Variants in PRKD1 observed in about 807,000 individuals in gnomAD.
PRKD1 encodes the protein serine/threonine-protein kinase D1.
Under a neutral mutation model 95.9 loss-of-function variants are expected in PRKD1, and 63 were observed. The ratio of observed to expected loss-of-function variants is 0.66; its 90% CI spans 0.54 to 0.81. The LOEUF (loss-of-function observed/expected upper bound fraction) is 0.81. Ranked by LOEUF, PRKD1 falls within the 30% of genes least tolerant of loss-of-function variation. PRKD1 has a pLI of 0.00. For missense variants in PRKD1, 1,048 were observed against 1,165.3 expected, an observed-to-expected ratio of 0.90 and a Z score of 1.47; for synonymous variants, 425 against 423.1, an observed-to-expected ratio of 1.00 and a Z score of -0.05.
intron 4 of PRKD1, among the ~76,000 whole-genome samples, chr14:29,661,670 A>G (rs1036519796): frequency 6.6e-6 from 1 of 152,138 alleles, no homozygotes; most frequent in African/African-American, 2.4e-5. Flanking sequence ...TGTGTTTAAA[A>G]CATGATTCTG....
intron 1 of PRKD1, among the ~76,000 whole-genome samples, chr14:29,848,159 T>C (rs1036819373): frequency 1.3e-5 from 2 of 152,132 alleles, no homozygotes; most frequent in Non-Finnish European, 1.5e-5. Context: ...TACAGAAACT[T>C]GCATACAGCT....
chr14:29,668,598 T>C (rs182269723), intron 2 of PRKD1, among the ~76,000 whole-genome samples: 273 of 152,330 alleles, frequency 1.8e-3, no homozygotes, highest in Non-Finnish European at 3.0e-3. Flanking sequence ...AGTTCTTTTA[T>C]GGTTCATTAT....
chr14:29,680,460 A>G lies in PRKD1; in HGVS notation c.404-14252T>C, dbSNP rs1039687647. Among the ~76,000 whole-genome samples, 5 of 152,294 alleles carry G rather than the reference A, an allele frequency of 3.3e-5. No homozygotes were observed. In the East Asian group the frequency reaches 9.7e-4, roughly 29 times the overall value. The stretch of plus-strand genomic sequence containing the variant: ...TAAGAAAGCAACAAGAGGAATATAT[A>G]AGAAAGAAAAAAACCTACAACGCAC... On this transcript the variant is annotated intron_variant, in intron 2 of 17. Transcript: ENST00000331968.
intron 4 of PRKD1, among the ~76,000 whole-genome samples, chr14:29,654,913 C>A (rs1040809212): frequency 6.6e-6 from 1 of 152,190 alleles, no homozygotes; most frequent in African/African-American, 2.4e-5. Context: ...AGTCTGTTAT[C>A]TTTTTGACAA....
At chr14:29,865,654 G>A (rs1892871402) in intron 1 of PRKD1, among the ~76,000 whole-genome samples, 1 of 152,182 alleles carries the variant, frequency 6.6e-6, no homozygotes, top group African/African-American at 2.4e-5. Context: ...AGATTTCCCA[G>A]TCTCCAGAAC....
chr14:29,845,458 T>A (rs1892043671), intron 1 of PRKD1, among the ~76,000 whole-genome samples: 1 of 152,134 alleles, frequency 6.6e-6, no homozygotes, highest in African/African-American at 2.4e-5. Context: ...CAAAATTACA[T>A]TTTTTGTATT....
chr14:29,616,926 G>A (rs1238726858), intron 13 of PRKD1, among the ~76,000 whole-genome samples: 1 of 152,128 alleles, frequency 6.6e-6, no homozygotes, highest in East Asian at 1.9e-4. Flanking sequence ...TACTCAACAG[G>A]TAGTTTTTCA....
chr14:29,620,191 T>C (rs1226900702), intron 13 of PRKD1, among the ~76,000 whole-genome samples: 1 of 149,946 alleles, frequency 6.7e-6, no homozygotes, highest in African/African-American at 2.4e-5. Flanking sequence ...GATTAAAGAC[T>C]TAAACGTTAG....
At chr14:29,625,432 G>T (rs1225092390) in intron 12 of PRKD1, among the ~76,000 whole-genome samples, 1 of 152,048 alleles carries the variant, frequency 6.6e-6, no homozygotes, top group Non-Finnish European at 1.5e-5. Flanking sequence ...TTCAGTGTTG[G>T]ATGTTCCAAA....
At chr14:29,700,988 G>GCGCACACACACA (rs140824053) in intron 2 of PRKD1, among the ~76,000 whole-genome samples, 28 of 90,598 alleles carry the variant, frequency 3.1e-4, no homozygotes, top group African/African-American at 1.1e-3. Context: ...GCGCGCGCGC[G>GCGCACACACACA]CACACACACA....
chr14:29,852,078 A>C (rs998353675), intron 1 of PRKD1, among the ~76,000 whole-genome samples: 1 of 152,178 alleles, frequency 6.6e-6, no homozygotes, highest in Admixed American at 6.5e-5. Flanking sequence ...TGGAGACTAC[A>C]AGGCGGGAAA....
intron 1 of PRKD1, among the ~76,000 whole-genome samples, chr14:29,786,585 AG>A (rs1242585475): frequency 6.6e-6 from 1 of 152,086 alleles, no homozygotes; most frequent in Admixed American, 6.6e-5. Flanking sequence ...TGTGTGTCCA[AG>A]AATTTGCCTG....
At chr14:29,765,371 A>G (rs1888211242) in intron 1 of PRKD1, among the ~76,000 whole-genome samples, 1 of 152,188 alleles carries the variant, frequency 6.6e-6, no homozygotes, top group African/African-American at 2.4e-5. Context: ...ATACTTTAGT[A>G]TCGAGCCTGA....
Position 29,599,798 on chromosome 14 carries a change from A to C in PRKD1, c.1925T>G (p.Val642Gly). The change falls in exon 14 of 18, where the codon GTT (valine) becomes GGT (glycine). Residue 642 changes from valine (V) to glycine (G), a missense_variant. Transcript: ENST00000331968. The stretch of plus-strand genomic sequence containing the variant: ...CTCAAACATACACTCCAAATTTACA[A>C]CACCAGGGTGATGAAGGTTCTATTA... ...AILQNLHHPG[V>G]VNLECMFETP... 1 of 1,610,400 alleles carries C rather than the reference A, an allele frequency of 6.2e-7. No individual in the cohort carries two copies. The highest frequency in any genetic ancestry group is 8.5e-7 in the Non-Finnish European group (1 of 1,179,004).
chr14:29,898,931 A>G (rs1894224581), intron 1 of PRKD1, among the ~76,000 whole-genome samples: 1 of 152,230 alleles, frequency 6.6e-6, no homozygotes, highest in African/African-American at 2.4e-5. Context: ...GAATTTCTCT[A>G]TGGGCTGGCA....
At chr14:29,834,086 A>G (rs1891520309) in intron 1 of PRKD1, among the ~76,000 whole-genome samples, 2 of 152,322 alleles carry the variant, frequency 1.3e-5, no homozygotes, top group South Asian at 4.1e-4. Flanking sequence ...TATGAATTTT[A>G]ACATTAAATA....
intron 4 of PRKD1, among the ~76,000 whole-genome samples, chr14:29,654,810 G>T (rs1881743313): frequency 1.3e-5 from 2 of 152,158 alleles, no homozygotes. Flanking sequence ...TAACCATTCT[G>T]CTACTTGCAC....
chr14:29,810,571 G>A (rs1355210046), intron 1 of PRKD1, among the ~76,000 whole-genome samples: 2 of 152,154 alleles, frequency 1.3e-5, no homozygotes, highest in Non-Finnish European at 2.9e-5. Context: ...TTGAATTCCA[G>A]ATGAAAACAT....
intron 1 of PRKD1, among the ~76,000 whole-genome samples, chr14:29,852,214 TA>T (rs1892336802): frequency 6.6e-6 from 1 of 152,102 alleles, no homozygotes; most frequent in African/African-American, 2.4e-5. Flanking sequence ...ATCTGCATAT[TA>T]TACCCCTTGA....
Sources: allele counts gnomAD v4.1 joint callset (sites outside exome capture counted in the v4.1 genomes callset), GRCh38; gene constraint gnomAD v4.1.1; transcripts MANE v1.5; gene names NCBI Gene and HGNC (gene_info 2026-07-23, HGNC 2026-07-21).